The following FHIT variants were observed in gnomAD, a reference collection of about 807,000 sequenced individuals.
The protein encoded by FHIT is bis(5'-adenosyl)-triphosphatase.
Under a neutral mutation model 17.9 loss-of-function variants are expected in FHIT, and 19 were observed. That is an observed-to-expected ratio of 1.06 (90% CI 0.74 to 1.56). The LOEUF (loss-of-function observed/expected upper bound fraction) is 1.56, where lower values mean the gene tolerates loss of function less well. Among genes scored for constraint, FHIT ranks in the 40% most tolerant of loss-of-function variants. FHIT has a pLI of 0.00. For missense variants in FHIT, 248 were observed against 189.2 expected, an observed-to-expected ratio of 1.31 and a Z score of -1.82; for synonymous variants, 81 against 69.7, an observed-to-expected ratio of 1.16 and a Z score of -0.81.
chr3:60,403,415 A>G (rs1294732947), intron 5 of FHIT, among the ~76,000 whole-genome samples: 1 of 152,166 alleles, frequency 6.6e-6, no homozygotes, highest in Non-Finnish European at 1.5e-5. Context: ...CAGGGCTCAG[A>G]AAGATAATAC....
At chr3:60,487,522 A>G (rs2033892443) in intron 5 of FHIT, among the ~76,000 whole-genome samples, 1 of 152,170 alleles carries the variant, frequency 6.6e-6, no homozygotes, top group Admixed American at 6.6e-5. Context: ...TTCTTTCAAG[A>G]TGGTTTGAAC....
Position 59,934,744 on chromosome 3 carries a change from G to C in FHIT, c.280-12330C>G, listed in dbSNP as rs148897449. On this transcript the variant is annotated intron_variant, in intron 7 of 9. Coordinates refer to ENST00000492590, the MANE Select transcript of FHIT (RefSeq NM_002012.4). ...ACATGGGGGCAGCAAGGAGAAGAATGAGTGCCCAGTGAAGGGGAATCCCCT... is the reference window on the plus strand; with the variant it reads ...ACATGGGGGCAGCAAGGAGAAGAATCAGTGCCCAGTGAAGGGGAATCCCCT... 6.8e-4 allele frequency among the ~76,000 whole-genome samples: 103 copies of C among 152,228 alleles called. 1 individual carries two copies. The highest frequency in any genetic ancestry group is 2.3e-3 in the African/African-American group (97 of 41,556).
chr3:60,199,501 G>T (rs1376979343), intron 5 of FHIT, among the ~76,000 whole-genome samples: 2 of 151,996 alleles, frequency 1.3e-5, no homozygotes, highest in Non-Finnish European at 2.9e-5. Context: ...TCCTCAAAGG[G>T]GAATGTTCCA....
chr3:60,558,563 T>C (rs2036822872), intron 4 of FHIT, among the ~76,000 whole-genome samples: 1 of 151,898 alleles, frequency 6.6e-6, no homozygotes, highest in African/African-American at 2.4e-5. Flanking sequence ...TCTTGCACAG[T>C]CCAGAAAGAA....
intron 8 of FHIT, among the ~76,000 whole-genome samples, chr3:59,807,840 T>C (rs777848818): frequency 6.6e-6 from 1 of 152,174 alleles, no homozygotes; most frequent in Non-Finnish European, 1.5e-5. Context: ...GGAAAAGGAA[T>C]TAAACTTGTT....
intron 9 of FHIT, chr3:59,751,596 A>AGAGTC (rs3074255): frequency 0.47 from 103,677 of 220,706 alleles, 27,557 homozygotes; most frequent in East Asian, 0.79. Flanking sequence ...TCTTTCTACC[A>AGAGTC]GAGTCTTAAA....
At chr3:60,066,244 A>G (rs1397925919) in intron 5 of FHIT, among the ~76,000 whole-genome samples, 2 of 152,166 alleles carry the variant, frequency 1.3e-5, no homozygotes. Flanking sequence ...ACTCAGGCTT[A>G]GTTTTGAAGT....
intron 5 of FHIT, among the ~76,000 whole-genome samples, chr3:60,109,040 G>A (rs1472441788): frequency 6.6e-6 from 1 of 152,074 alleles, no homozygotes; most frequent in African/African-American, 2.4e-5. Context: ...AAGCAGAGCT[G>A]GTTTCTGCAT....
At chr3:59,927,122 T>C (rs886832119) in intron 7 of FHIT, among the ~76,000 whole-genome samples, 1 of 151,492 alleles carries the variant, frequency 6.6e-6, no homozygotes, top group Non-Finnish European at 1.5e-5. Flanking sequence ...ATGAAGACAA[T>C]AGGATATGAT....
chr3:59,798,835 T>C (rs1699881360), intron 8 of FHIT, among the ~76,000 whole-genome samples: 1 of 152,234 alleles, frequency 6.6e-6, no homozygotes, highest in Non-Finnish European at 1.5e-5. Flanking sequence ...AGATTTCAGA[T>C]GAAACATATC....
At chr3:60,549,122 A>G (rs1317827153) in intron 4 of FHIT, among the ~76,000 whole-genome samples, 1 of 152,202 alleles carries the variant, frequency 6.6e-6, no homozygotes, top group African/African-American at 2.4e-5. Context: ...TTCAATAAAC[A>G]ATTGTTAATT....
chr3:59,759,537 C>A (rs1240189164), intron 8 of FHIT, among the ~76,000 whole-genome samples: 1 of 152,156 alleles, frequency 6.6e-6, no homozygotes. Context: ...GGCTTCCCTG[C>A]CAAGATTGCT....
rs139830919 is a variant in FHIT, at chr3:60,363,273, G to T, written c.103+173587C>A. ...GAATCACTCCCCAGCTCCAAGTGAC[G>T]TGTGTGTGTGCCTATGAAGTTTTAA... On this transcript the variant is annotated intron_variant, in intron 5 of 9. Transcript: ENST00000492590. Among the ~76,000 whole-genome samples the T allele has an allele frequency of 3.1e-3, 477 of 152,142 alleles. 3 individuals carry two copies. The highest frequency in any genetic ancestry group is 0.011 in the African/African-American group (437 of 41,498).
chr3:59,793,715 T>C (rs955458911), intron 8 of FHIT, among the ~76,000 whole-genome samples: 1 of 152,180 alleles, frequency 6.6e-6, no homozygotes, highest in African/African-American at 2.4e-5. Flanking sequence ...AAAGAGTTGA[T>C]TTAAATCTTT....
intron 3 of FHIT, among the ~76,000 whole-genome samples, chr3:60,849,354 C>A (rs1553747577): frequency 1.3e-5 from 2 of 151,254 alleles, no homozygotes; most frequent in East Asian, 3.9e-4. Context: ...TCCATAGGAA[C>A]AGACTGAACA....
At chr3:60,005,735 T>A (rs916220805) in intron 7 of FHIT, among the ~76,000 whole-genome samples, 2 of 152,210 alleles carry the variant, frequency 1.3e-5, no homozygotes, top group African/African-American at 4.8e-5. Context: ...CAGGGCACTG[T>A]TCACCATGGC....
At chr3:59,789,037 T>G (rs979543923) in intron 8 of FHIT, among the ~76,000 whole-genome samples, 3 of 152,170 alleles carry the variant, frequency 2.0e-5, no homozygotes, top group Non-Finnish European at 2.9e-5. Context: ...GCGTGCTAGT[T>G]TATCAACCTT....
chr3:61,008,935 C>A (rs904904116), intron 3 of FHIT, among the ~76,000 whole-genome samples: 1 of 151,960 alleles, frequency 6.6e-6, no homozygotes, highest in African/African-American at 2.4e-5. Flanking sequence ...GGCAGCTAAC[C>A]GCCTCAGTAA....
chr3:61,006,448 C>A (rs534887223), intron 3 of FHIT, among the ~76,000 whole-genome samples: 1 of 151,886 alleles, frequency 6.6e-6, no homozygotes, highest in Non-Finnish European at 1.5e-5. Context: ...TTTCACGAAT[C>A]CAAGGTGAGA....
Sources: allele counts gnomAD v4.1 joint callset (sites outside exome capture counted in the v4.1 genomes callset), GRCh38; gene constraint gnomAD v4.1.1; transcripts MANE v1.5; gene names NCBI Gene and HGNC (gene_info 2026-07-23, HGNC 2026-07-21).